SMARCD1: variants seen among roughly 807,000 people sequenced by gnomAD.
SMARCD1 encodes SWI/SNF-related matrix-associated actin-dependent regulator of chromatin subfamily D member 1.
In SMARCD1, 16 loss-of-function variants were observed where a neutral mutation model predicts 70.8. That is an observed-to-expected ratio of 0.23 (90% CI 0.15 to 0.34). The LOEUF (loss-of-function observed/expected upper bound fraction) is 0.34. SMARCD1 is among the 10% of genes least tolerant of loss of function. The pLI, the probability that SMARCD1 is intolerant of heterozygous loss-of-function variation, is 1.00. For missense variants in SMARCD1, 409 were observed against 655.5 expected (o/e 0.62, Z 4.11); for synonymous variants, 249 against 246.0 (o/e 1.01, Z -0.11).
chr12:50,098,868 C>T, intron 12 of SMARCD1, 53 bp downstream of exon 12: 1 of 1,602,448 alleles, frequency 6.2e-7, no homozygotes, highest in Non-Finnish European at 8.6e-7. Context: ...GGGTTTTCAC[C>T]CCTGATGGGG....
intron 5 of SMARCD1, chr12:50,088,160 T>C (rs1338584375): frequency 5.9e-6 from 4 of 676,818 alleles, no homozygotes; most frequent in Non-Finnish European, 1.1e-5. Context: ...AATAAAGCTG[T>C]TTTTGTTCTG....
At position 50,086,199 on chromosome 12, in the gene SMARCD1, G is replaced by C. The variant is rs201417018; in HGVS notation, c.216G>C (p.Gln72His). The C allele has an allele frequency of 6.2e-7, 1 of 1,600,020 alleles. No homozygotes were observed. The highest frequency in any genetic ancestry group is 8.5e-7 in the Non-Finnish European group (1 of 1,172,026). ...TGCCAGGCAGCCGAATGACACCTCA[G>C]GGACCTTCCATGGGACCCCCTGGCT... ...GMLPGSRMTP[Q>H]GPSMGPPGYG... Residue 72 changes from glutamine to histidine, a missense_variant, in exon 2 of 13, where the codon CAG becomes CAC. Physicochemically the swap from Gln to His is conservative, Grantham distance 24. Transcript: ENST00000394963.
At chr12:50,087,579 A>T in intron 5 of SMARCD1, 94 bp downstream of exon 5, 2 of 1,442,564 alleles carry the variant, frequency 1.4e-6, no homozygotes, top group East Asian at 4.8e-5. Flanking sequence ...ACTGGTGCTC[A>T]CAGCTCCTTT....
In SMARCD1 at chr12:50,090,266, G is replaced by A; in HGVS notation, c.899G>A (p.Arg300His). The A allele has an allele frequency of 1.2e-6, 2 of 1,613,544 alleles. No individual in the cohort carries two copies. The highest frequency in any genetic ancestry group is 8.5e-7 in the Non-Finnish European group (1 of 1,179,794). Reference sequence around the variant, plus strand: ...CCTCCCCAGTTTAAATTAGACCCCCGCCTAGCTCGACTCCTGGGCATCCAT... The same window carrying A: ...CCTCCCCAGTTTAAATTAGACCCCCACCTAGCTCGACTCCTGGGCATCCAT... The part of the protein sequence containing the change: ...YQPPQFKLDP[R>H]LARLLGIHTQ... Residue 300 changes from arginine (R) to histidine (H), a missense_variant, in exon 8 of 13, where the codon CGC (arginine) becomes CAC (histidine). Physicochemically the swap from Arg to His is conservative, Grantham distance 29. Coordinates refer to ENST00000394963, the MANE Select transcript of SMARCD1 (RefSeq NM_003076.5).
Position 50,100,445 on chromosome 12 carries a change from T to C in SMARCD1, c.*1445T>C, listed in dbSNP as rs1275908179. 6.6e-6 allele frequency: 1 copy of C among 152,198 alleles called. No homozygotes were observed. Among genetic ancestry groups the C allele is most frequent in the Non-Finnish European group, 1.5e-5 (1 of 68,056 alleles). The allele number at this position is 152,198 out of a possible 1,614,324, so 9.4% of individuals were successfully genotyped here. A position where few individuals can be genotyped will look rare whatever the true frequency, so the allele number is the denominator to read the frequency against. On this transcript the variant is annotated 3_prime_UTR_variant, in exon 13 of 13. Transcript: ENST00000394963. ...CTGCCATTTTCCCTCCCTTGAAAGGTTGACACTGGACAACCTTGGGGCAGC... is the reference window on the plus strand; with the variant it reads ...CTGCCATTTTCCCTCCCTTGAAAGGCTGACACTGGACAACCTTGGGGCAGC...
chr12:50,093,554 G>T (rs1165704301), intron 9 of SMARCD1, among the ~76,000 whole-genome samples: 1 of 152,060 alleles, frequency 6.6e-6, no homozygotes, highest in Non-Finnish European at 1.5e-5. Flanking sequence ...TGTAATCATG[G>T]CTCACTGCAT....
rs761952061 is a variant in SMARCD1, at chr12:50,086,889, A to G, written c.531+11A>G. 9.3e-6 allele frequency: 15 copies of G among 1,614,010 alleles called. No individual in the cohort carries two copies. Among genetic ancestry groups the G allele is most frequent in the Non-Finnish European group, 1.2e-5 (14 of 1,179,966 alleles). On this transcript the variant is annotated intron_variant, in intron 4 of 12. Transcript: ENST00000394963. ...AAACGTCCCATCAAGGTAACACAGG[A>G]AAGTACTAGGCAGAGAGCCAAAGGA...
intron 9 of SMARCD1, among the ~76,000 whole-genome samples, chr12:50,092,417 T>G (rs1023035246): frequency 3.3e-5 from 5 of 150,860 alleles, no homozygotes; most frequent in Non-Finnish European, 5.9e-5. Context: ...AGAGACGGGG[T>G]TTTACCATGT....
At chr12:50,090,074 T>C in intron 7 of SMARCD1, 89 bp downstream of exon 7, 1 of 1,363,094 alleles carries the variant, frequency 7.3e-7, no homozygotes, top group South Asian at 1.2e-5. Context: ...TAGTTGTGAA[T>C]AATTTGCCAC....
chr12:50,089,786 A>C, intron 6 of SMARCD1, 98 bp from the exon 7 acceptor site: 1 of 817,286 alleles, frequency 1.2e-6, no homozygotes, highest in Non-Finnish European at 2.0e-6. Flanking sequence ...CAGTAGCCTC[A>C]GTAATCAAAG....
intron 11 of SMARCD1, 66 bp from the exon 12 acceptor site, chr12:50,098,648 T>C: frequency 8.0e-7 from 1 of 1,256,918 alleles, no homozygotes; most frequent in Non-Finnish European, 1.2e-6. Flanking sequence ...CAATAATGGG[T>C]GTGAAGGAAG....
chr12:50,090,809 ATTGTATTTGTGCTTTTTTTTT>A (rs939056836), intron 9 of SMARCD1, among the ~76,000 whole-genome samples: 11 of 131,190 alleles, frequency 8.4e-5, no homozygotes, highest in South Asian at 2.4e-4. Flanking sequence ...ATTACATTTT[ATTGTATTTGTGCTTTTTTTTT>A]TTTTTTTTTT....
At chr12:50,097,891 CAA>C (rs749628224) in intron 11 of SMARCD1, among the ~76,000 whole-genome samples, 11 of 42,176 alleles carry the variant, frequency 2.6e-4, no homozygotes, top group Admixed American at 2.3e-4. Context: ...GACTCCATCT[CAA>C]AAAAAAAAAA....
Position 50,100,689 on chromosome 12 carries a change from TCTTC to T in SMARCD1, c.*1694_*1697del, listed in dbSNP as rs527431034. The T allele has an allele frequency of 9.2e-5, 14 of 152,662 alleles. No homozygotes were observed. Among genetic ancestry groups the T allele is most frequent in the Non-Finnish European group, 1.8e-4 (12 of 68,038 alleles). The allele number at this position is 152,662 out of a possible 1,614,324, so 9.5% of individuals were successfully genotyped here. ...GTGAGAGAGCTCTTCCCTGAGCTCT[TCTTC>T]CTTCAATACCATTAGCCACGCTTGT... On this transcript the variant is annotated 3_prime_UTR_variant, in exon 13 of 13. Transcript: ENST00000394963.
At chr12:50,090,448 G>T (rs931718775) in intron 8 of SMARCD1, 45 bp from the exon 9 acceptor site, 1 of 1,613,458 alleles carries the variant, frequency 6.2e-7, no homozygotes. Context: ...TAGAACACTA[G>T]TTATGCTCAA....
intron 10 of SMARCD1, 180 bp from the exon 11 acceptor site, chr12:50,096,670 A>G: frequency 1.8e-6 from 1 of 571,148 alleles, no homozygotes; most frequent in South Asian, 2.3e-5. Flanking sequence ...AAACAAGGGC[A>G]AATTACTTGC....
intron 11 of SMARCD1, among the ~76,000 whole-genome samples, chr12:50,097,767 T>C (rs942763580): frequency 1.3e-5 from 2 of 151,464 alleles, no homozygotes; most frequent in African/African-American, 4.9e-5. Context: ...GGCGGGTGCC[T>C]GTAATCCCAG....
At chr12:50,098,414 G>A (rs2137906979) in intron 11 of SMARCD1, 2 of 382,206 alleles carry the variant, frequency 5.2e-6, no homozygotes, top group South Asian at 2.8e-5. Context: ...GCTTGTAGGT[G>A]GTGGTCTCTG....
chr12:50,096,700 G>T, intron 10 of SMARCD1, 150 bp from the exon 11 acceptor site: 1 of 617,892 alleles, frequency 1.6e-6, no homozygotes, highest in Non-Finnish European at 2.8e-6. Context: ...GCCAAGGGTC[G>T]GAGCAGTTGG....
Sources: gnomAD v4.1 joint callset for allele counts (sites outside exome capture counted in the v4.1 genomes callset) on GRCh38, gnomAD v4.1.1 for gene constraint, MANE v1.5 for transcripts, NCBI Gene and HGNC (gene_info 2026-07-23, HGNC 2026-07-21) for gene names.